PIK3C2G: variants seen among roughly 807,000 people sequenced by gnomAD.
PIK3C2G encodes phosphatidylinositol-4-phosphate 3-kinase catalytic subunit type 2 gamma.
Under a neutral mutation model 181.1 loss-of-function variants are expected in PIK3C2G, and 168 were observed. The observed-to-expected ratio is 0.93, with a 90% CI of 0.82 to 1.05. The LOEUF (loss-of-function observed/expected upper bound fraction) is 1.05. Among genes scored for constraint, PIK3C2G ranks in the 50% least tolerant of loss-of-function variants. PIK3C2G has a pLI of 0.00. For synonymous variants in PIK3C2G, 573 were observed against 592.2 expected (o/e 0.97, Z 0.47); for missense variants, 1,869 against 1,732.8 (o/e 1.08, Z -1.40).
At chr12:18,421,486 A>C (rs986774400) in intron 17 of PIK3C2G, among the ~76,000 whole-genome samples, 1 of 151,986 alleles carries the variant, frequency 6.6e-6, no homozygotes, top group Non-Finnish European at 1.5e-5. Flanking sequence ...CAAATAGTAC[A>C]TTTTAGTATC....
At chr12:18,276,544 C>T (rs1948994723) in intron 1 of PIK3C2G, among the ~76,000 whole-genome samples, 1 of 152,110 alleles carries the variant, frequency 6.6e-6, no homozygotes, top group Admixed American at 6.5e-5. Flanking sequence ...CAAATACGTT[C>T]TTCATGAATT....
intron 18 of PIK3C2G, among the ~76,000 whole-genome samples, chr12:18,449,202 A>G (rs12049969): frequency 0.18 from 26,833 of 151,946 alleles, 3,015 homozygotes; most frequent in African/African-American, 0.32. Flanking sequence ...CCATTGGTCT[A>G]TGTCTCTGCT....
At chr12:18,634,841 C>G (rs1949516737) in intron 31 of PIK3C2G, among the ~76,000 whole-genome samples, 1 of 152,186 alleles carries the variant, frequency 6.6e-6, no homozygotes, top group Admixed American at 6.5e-5. Context: ...CTTCAGTGAG[C>G]ATTCACATGG....
chr12:18,306,779 C>T (rs1175394285), intron 5 of PIK3C2G, among the ~76,000 whole-genome samples: 1 of 151,854 alleles, frequency 6.6e-6, no homozygotes, highest in Non-Finnish European at 1.5e-5. Flanking sequence ...TTAAGTCCAG[C>T]TTAGTTACTG....
chr12:18,543,559 T>C (rs1944275260), intron 25 of PIK3C2G, among the ~76,000 whole-genome samples: 2 of 151,984 alleles, frequency 1.3e-5, no homozygotes, highest in Admixed American at 1.3e-4. Flanking sequence ...CTTGAGTTGA[T>C]TTTTATATAT....
At chr12:18,357,512 G>C (rs1204047250) in intron 11 of PIK3C2G, among the ~76,000 whole-genome samples, 1 of 152,182 alleles carries the variant, frequency 6.6e-6, no homozygotes, top group East Asian at 1.9e-4. Flanking sequence ...AAGTGAATAA[G>C]TATTCTTAGA....
chr12:18,620,869 G>A (rs931338698), intron 31 of PIK3C2G, among the ~76,000 whole-genome samples: 65 of 152,024 alleles, frequency 4.3e-4, no homozygotes, highest in African/African-American at 1.5e-3. Flanking sequence ...TTATTGACAC[G>A]TTCACGTTGC....
the PIK3C2G span, among the ~76,000 whole-genome samples, chr12:18,665,710 G>A: frequency 6.6e-6 from 1 of 152,120 alleles, no homozygotes. Context: ...GCTGAGGCAG[G>A]TGGATCACGA....
chr12:18,704,406 AC>A, the PIK3C2G span, among the ~76,000 whole-genome samples: 1 of 151,878 alleles, frequency 6.6e-6, no homozygotes, highest in African/African-American at 2.4e-5. Flanking sequence ...GCTCACTGTA[AC>A]CCCCGCCTCC....
intron 28 of PIK3C2G, among the ~76,000 whole-genome samples, chr12:18,566,441 CA>C (rs1180656011): frequency 6.6e-6 from 1 of 152,168 alleles, no homozygotes; most frequent in Non-Finnish European, 1.5e-5. Context: ...TCAGATTGTG[CA>C]AAGGAAATTC....
chr12:18,381,192 T>A (rs1413745611), intron 13 of PIK3C2G, among the ~76,000 whole-genome samples: 2 of 152,362 alleles, frequency 1.3e-5, no homozygotes, highest in African/African-American at 4.8e-5. Context: ...CACCGATTTT[T>A]AAACATTTAG....
the PIK3C2G span, among the ~76,000 whole-genome samples, chr12:18,656,277 T>C: frequency 6.6e-6 from 1 of 151,918 alleles, no homozygotes; most frequent in African/African-American, 2.4e-5. Flanking sequence ...AAAAAAGCAT[T>C]AAAAAATATT....
intron 18 of PIK3C2G, among the ~76,000 whole-genome samples, chr12:18,460,349 G>A (rs1052994109): frequency 4.0e-5 from 6 of 151,860 alleles, no homozygotes; most frequent in Non-Finnish European, 4.4e-5. Flanking sequence ...CAAGGAGGAC[G>A]GATCACGAGG....
At chr12:18,295,237 A>G (rs1211204413) in intron 5 of PIK3C2G, among the ~76,000 whole-genome samples, 1 of 151,776 alleles carries the variant, frequency 6.6e-6, no homozygotes, top group Admixed American at 6.6e-5. Context: ...TAACACACTC[A>G]TTTACTAGTC....
chr12:18,723,572 T>C, the PIK3C2G span: 1 of 1,513,688 alleles, frequency 6.6e-7, no homozygotes, highest in Non-Finnish European at 9.2e-7. Context: ...TGGGCTCACA[T>C]TGTGAGTATA....
At chr12:18,381,999 T>A (rs1942876160) in intron 14 of PIK3C2G, 119 bp downstream of exon 14, 6 of 673,956 alleles carry the variant, frequency 8.9e-6, no homozygotes, top group Non-Finnish European at 1.3e-5. Flanking sequence ...CTTCTCTGCC[T>A]CCAGCCTTCT....
At chr12:18,332,088 G>T (rs80040101) in intron 8 of PIK3C2G, among the ~76,000 whole-genome samples, 3 of 152,048 alleles carry the variant, frequency 2.0e-5, no homozygotes, top group African/African-American at 7.2e-5. Context: ...ACATCAGTTT[G>T]TGTTTTTATT....
At chr12:18,340,678 C>T (rs1188368430) in intron 9 of PIK3C2G, among the ~76,000 whole-genome samples, 1 of 152,120 alleles carries the variant, frequency 6.6e-6, no homozygotes, top group African/African-American at 2.4e-5. Flanking sequence ...TCTAAACATC[C>T]TGTGGAAAAC....
intron 18 of PIK3C2G, among the ~76,000 whole-genome samples, chr12:18,481,439 A>G (rs1939552793): frequency 6.6e-6 from 1 of 152,184 alleles, no homozygotes; most frequent in Non-Finnish European, 1.5e-5. Context: ...GCTGACCCTG[A>G]GTGCAACACT....
Sources: gnomAD v4.1 joint callset for allele counts (sites outside exome capture counted in the v4.1 genomes callset) on GRCh38, gnomAD v4.1.1 for gene constraint, MANE v1.5 for transcripts, NCBI Gene and HGNC (gene_info 2026-07-23, HGNC 2026-07-21) for gene names.